The following VAT1L variants were observed in gnomAD, a reference collection of about 807,000 sequenced individuals.
VAT1L encodes the protein vesicle amine transport 1 like, also known as putative NADPH-dependent quinone oxidoreductase VAT1L.
VAT1L carries 34 observed loss-of-function variants against 44.1 expected under a neutral mutation model. That is an observed-to-expected ratio of 0.77 (90% CI 0.59 to 1.03). The LOEUF (loss-of-function observed/expected upper bound fraction) is 1.03. Among genes scored for constraint, VAT1L ranks in the 50% least tolerant of loss-of-function variants. The pLI, the probability that VAT1L is intolerant of heterozygous loss-of-function variation, is 0.00. For synonymous variants in VAT1L, 253 were observed against 202.2 expected, an observed-to-expected ratio of 1.25 and a Z score of -2.13; for missense variants, 615 against 538.8, an observed-to-expected ratio of 1.14 and a Z score of -1.40.
At chr16:77,839,054 A>T (rs537350961) in intron 3 of VAT1L, among the ~76,000 whole-genome samples, 1 of 152,090 alleles carries the variant, frequency 6.6e-6, no homozygotes, top group Non-Finnish European at 1.5e-5. Flanking sequence ...TTAGTCATCG[A>T]TGGCAGTGGT....
intron 7 of VAT1L, among the ~76,000 whole-genome samples, chr16:77,965,192 C>T (rs1016908636): frequency 3.3e-5 from 5 of 152,200 alleles, no homozygotes; most frequent in Non-Finnish European, 5.9e-5. Flanking sequence ...GCTCCCGGCC[C>T]AGGGCTTTGG....
chr16:77,887,904 T>A (rs899847587), intron 7 of VAT1L, among the ~76,000 whole-genome samples: 7 of 152,164 alleles, frequency 4.6e-5, no homozygotes, highest in African/African-American at 9.6e-5. Context: ...AATTCCTCAT[T>A]GAGGTCTGTA....
chr16:77,915,789 C>G (rs2142489340), intron 7 of VAT1L, among the ~76,000 whole-genome samples: 1 of 152,050 alleles, frequency 6.6e-6, no homozygotes, highest in East Asian at 1.9e-4. Flanking sequence ...GCAGCTGACC[C>G]TGAGACAGAG....
At chr16:77,828,825 C>T (rs1018412575) in intron 3 of VAT1L, among the ~76,000 whole-genome samples, 4 of 152,250 alleles carry the variant, frequency 2.6e-5, no homozygotes, top group South Asian at 2.1e-4. Context: ...ATGGATTCGC[C>T]TCTTGAGCTT....
At position 77,825,381 on chromosome 16, in the gene VAT1L, A is replaced by G. The variant is rs771695160; in HGVS notation, c.499A>G (p.Thr167Ala). The change falls in exon 3 of 9, where the codon ACA becomes GCA. Residue 167 changes from threonine (T) to alanine (A), a missense_variant. By Grantham distance (58) the Thr-to-Ala change is moderately conservative. Transcript: ENST00000302536. ...EAAAFPMNFVTAYVMLFEVAN... is the reference protein window; with the variant it reads ...EAAAFPMNFVAAYVMLFEVAN... ...TGCTGCATTCCCCATGAACTTCGTC[A>G]CAGCCTATGTGATGCTGTTTGAAGT... is the stretch of plus-strand genomic sequence containing the variant. The G allele has an allele frequency of 1.7e-5, 28 of 1,613,886 alleles. No individual in the cohort carries two copies. The East Asian group carries it at 6.2e-4, about 36-fold the overall frequency.
At chr16:77,915,758 G>A (rs1477124462) in intron 7 of VAT1L, among the ~76,000 whole-genome samples, 1 of 152,226 alleles carries the variant, frequency 6.6e-6, no homozygotes, top group Non-Finnish European at 1.5e-5. Flanking sequence ...GACGGAGCCA[G>A]ATAGAGGGTC....
intron 3 of VAT1L, among the ~76,000 whole-genome samples, chr16:77,851,256 C>G (rs1284024905): frequency 1.3e-5 from 2 of 152,176 alleles, no homozygotes; most frequent in Non-Finnish European, 2.9e-5. Flanking sequence ...TGCCCTGCCA[C>G]TGACAATCAG....
At chr16:77,952,701 T>C (rs1184310094) in intron 7 of VAT1L, among the ~76,000 whole-genome samples, 2 of 151,596 alleles carry the variant, frequency 1.3e-5, no homozygotes, top group Admixed American at 1.3e-4. Context: ...TATTAAAAAA[T>C]ACAAAAATTA....
intron 1 of VAT1L, among the ~76,000 whole-genome samples, chr16:77,795,917 C>T (rs1319389345): frequency 1.4e-5 from 2 of 147,126 alleles, no homozygotes; most frequent in African/African-American, 5.0e-5. Context: ...CCTCCACCTA[C>T]CAAGTTCAAG....
intron 8 of VAT1L, among the ~76,000 whole-genome samples, chr16:77,976,330 C>T (rs114357070): frequency 6.6e-6 from 1 of 152,152 alleles, no homozygotes; most frequent in Non-Finnish European, 1.5e-5. Context: ...TTAGGGAATT[C>T]TGCAAAGGCT....
intron 8 of VAT1L, among the ~76,000 whole-genome samples, chr16:77,972,736 G>A (rs1290613133): frequency 4.6e-5 from 7 of 151,792 alleles, no homozygotes; most frequent in Admixed American, 3.9e-4. Context: ...AGCCGTGATT[G>A]CGTCATTGCA....
chr16:77,833,756 A>G (rs2016608283), intron 3 of VAT1L, among the ~76,000 whole-genome samples: 2 of 151,860 alleles, frequency 1.3e-5, no homozygotes, highest in Admixed American at 1.3e-4. Context: ...TCTCAAAAAA[A>G]AAAGAAAAAG....
At chr16:77,847,901 G>A (rs2016772978) in intron 3 of VAT1L, among the ~76,000 whole-genome samples, 1 of 152,170 alleles carries the variant, frequency 6.6e-6, no homozygotes. Context: ...GAAATATCAA[G>A]AACTGCTGAT....
At chr16:77,950,250 A>T (rs921314079) in intron 7 of VAT1L, among the ~76,000 whole-genome samples, 3 of 152,108 alleles carry the variant, frequency 2.0e-5, no homozygotes, top group Non-Finnish European at 4.4e-5. Context: ...CTCTACTAAA[A>T]ATACAAAAAT....
intron 4 of VAT1L, among the ~76,000 whole-genome samples, chr16:77,867,558 G>GT (rs2016988211): frequency 6.6e-6 from 1 of 152,016 alleles, no homozygotes; most frequent in Non-Finnish European, 1.5e-5. Context: ...AATATCATGA[G>GT]TCAAAAATAT....
At chr16:77,859,293 C>G (rs2016892360) in intron 3 of VAT1L, among the ~76,000 whole-genome samples, 1 of 152,128 alleles carries the variant, frequency 6.6e-6, no homozygotes, top group Admixed American at 6.5e-5. Flanking sequence ...GAGACCCTGT[C>G]TCTAATAACA....
At chr16:77,876,150 C>T (rs2017084924) in intron 4 of VAT1L, among the ~76,000 whole-genome samples, 1 of 152,234 alleles carries the variant, frequency 6.6e-6, no homozygotes, top group African/African-American at 2.4e-5. Context: ...GTGGCAGCTA[C>T]CACCCAGACT....
chr16:77,891,925 A>T (rs2017270600), intron 7 of VAT1L, among the ~76,000 whole-genome samples: 1 of 152,178 alleles, frequency 6.6e-6, no homozygotes, highest in Non-Finnish European at 1.5e-5. Flanking sequence ...ACAAAAAATT[A>T]GCCCGGCATG....
rs2018358794 is a variant in VAT1L, at chr16:77,977,905, T to G, written c.*210T>G. 2 of 532,396 alleles carry G rather than the reference T, an allele frequency of 3.8e-6. No individual in the cohort carries two copies. The highest frequency in any genetic ancestry group is 6.8e-6 in the Non-Finnish European group (2 of 292,898). The allele number at this position is 532,396 out of a possible 1,614,324, so 33.0% of individuals were successfully genotyped here. On this transcript the variant is annotated 3_prime_UTR_variant, in exon 9 of 9. Coordinates refer to ENST00000302536, the MANE Select transcript of VAT1L (RefSeq NM_020927.3). ...GTATTATGTCCCTCTCCTATCTGTG[T>G]ATTACACATTCCCCTCTCCCCTGTA...
Sources: allele counts gnomAD v4.1 joint callset (sites outside exome capture counted in the v4.1 genomes callset), GRCh38; gene constraint gnomAD v4.1.1; transcripts MANE v1.5; gene names NCBI Gene and HGNC (gene_info 2026-07-23, HGNC 2026-07-21).